EVL: variants seen among roughly 807,000 people sequenced by gnomAD.
EVL encodes Enah/Vasp-like, also known as ena/VASP-like protein.
A neutral mutation model predicts 59.6 loss-of-function variants in EVL; 21 were observed. The ratio of observed to expected loss-of-function variants is 0.35; its 90% CI spans 0.25 to 0.51. The LOEUF (loss-of-function observed/expected upper bound fraction) is 0.51, where lower values mean the gene tolerates loss of function less well. Ranked by LOEUF, EVL falls within the 20% of genes least tolerant of loss-of-function variation. The pLI, the probability that EVL is intolerant of heterozygous loss-of-function variation, is 0.97. For missense variants in EVL, 462 were observed against 546.6 expected (o/e 0.85, Z 1.54); for synonymous variants, 198 against 203.5 (o/e 0.97, Z 0.23).
chr14:100,067,048 A>G (rs2061944480), intron 1 of EVL, among the ~76,000 whole-genome samples: 1 of 152,196 alleles, frequency 6.6e-6, no homozygotes, highest in Non-Finnish European at 1.5e-5. Context: ...GTGGAGCAGA[A>G]TTTGTGTACG....
chr14:99,985,681 C>T (rs775656316), intron 1 of EVL, among the ~76,000 whole-genome samples: 5 of 151,844 alleles, frequency 3.3e-5, no homozygotes, highest in South Asian at 2.1e-4. Flanking sequence ...GCAGAAGAAT[C>T]GCTTGAACCC....
At chr14:100,074,068 A>T (rs2062109299) in intron 1 of EVL, among the ~76,000 whole-genome samples, 2 of 152,124 alleles carry the variant, frequency 1.3e-5, no homozygotes, top group Admixed American at 6.5e-5. Flanking sequence ...CACAGGAGCA[A>T]ATCAGGGCCC....
chr14:100,046,110 A>G (rs1336869028), intron 1 of EVL, among the ~76,000 whole-genome samples: 1 of 152,196 alleles, frequency 6.6e-6, no homozygotes, highest in African/African-American at 2.4e-5. Flanking sequence ...AGATAGCCAA[A>G]TGATAAGAAA....
At chr14:100,011,912 C>G (rs2061019432) in intron 1 of EVL, among the ~76,000 whole-genome samples, 1 of 152,156 alleles carries the variant, frequency 6.6e-6, no homozygotes, top group Non-Finnish European at 1.5e-5. Context: ...ATTGGCACAC[C>G]TGTTATTATA....
intron 3 of EVL, among the ~76,000 whole-genome samples, chr14:100,101,840 A>G (rs1413899547): frequency 6.6e-6 from 1 of 151,852 alleles, no homozygotes; most frequent in African/African-American, 2.4e-5. Flanking sequence ...TTTTATTTGC[A>G]TTTTTCTTTT....
rs561759224 is a variant in EVL, at chr14:99,985,199, C to T, written c.5+13142C>T. 3.4e-4 allele frequency among the ~76,000 whole-genome samples: 52 copies of T among 151,736 alleles called. No homozygotes were observed. The South Asian group carries it at 9.4e-3, about 27-fold the overall frequency. On this transcript the variant is annotated intron_variant, in intron 1 of 13. Transcript: ENST00000402714. ...GGCTAGGGATAGAGAGCTATGGAGA[C>T]CTACATAAGCCTCAAGGAGTTTATA...
intron 1 of EVL, among the ~76,000 whole-genome samples, chr14:100,055,785 G>A (rs1262827695): frequency 2.1e-5 from 3 of 140,498 alleles, no homozygotes; most frequent in African/African-American, 8.9e-5. Context: ...GCACACTTAC[G>A]TTGTTGTCTT....
upstream of EVL, among the ~76,000 whole-genome samples, chr14:100,064,307 A>G (rs1300245867): frequency 1.3e-5 from 2 of 152,228 alleles, no homozygotes; most frequent in Admixed American, 1.3e-4. Flanking sequence ...AAGGACAAGT[A>G]CAGTCGTTCT....
upstream of EVL, among the ~76,000 whole-genome samples, chr14:100,062,330 A>G (rs773085951): frequency 1.6e-4 from 25 of 152,038 alleles, no homozygotes; most frequent in Admixed American, 6.6e-5. Flanking sequence ...AAATTATGCA[A>G]TTATGAAGTT....
At chr14:100,045,243 G>A (rs2061529612) in intron 1 of EVL, among the ~76,000 whole-genome samples, 1 of 152,216 alleles carries the variant, frequency 6.6e-6, no homozygotes, top group East Asian at 1.9e-4. Context: ...TCCTACTCCT[G>A]CCTTAATCCT....
chr14:99,997,808 A>G (rs2140182670), intron 1 of EVL, among the ~76,000 whole-genome samples: 1 of 152,312 alleles, frequency 6.6e-6, no homozygotes, highest in Admixed American at 6.5e-5. Flanking sequence ...CTGAAATTAC[A>G]GATTTATTTT....
chr14:100,126,210 G>C (rs1888059302), intron 4 of EVL, among the ~76,000 whole-genome samples: 1 of 152,210 alleles, frequency 6.6e-6, no homozygotes, highest in South Asian at 2.1e-4. Context: ...TGCACCAAAT[G>C]GCCCTCTAGA....
intron 2 of EVL, among the ~76,000 whole-genome samples, chr14:100,085,547 T>C (rs990912316): frequency 3.9e-5 from 6 of 152,174 alleles, no homozygotes; most frequent in African/African-American, 1.4e-4. Flanking sequence ...CAAGAGCATT[T>C]ATAGCAGTGA....
intron 1 of EVL, among the ~76,000 whole-genome samples, chr14:100,049,847 T>C (rs1194210343): frequency 6.6e-6 from 1 of 152,194 alleles, no homozygotes; most frequent in Non-Finnish European, 1.5e-5. Context: ...ATCTACTTTT[T>C]TCTCTATGGA....
At chr14:100,014,204 C>G (rs1444002615) in intron 1 of EVL, among the ~76,000 whole-genome samples, 1 of 152,182 alleles carries the variant, frequency 6.6e-6, no homozygotes, top group African/African-American at 2.4e-5. Flanking sequence ...TGAACATCCC[C>G]AACCCTTCCC....
intron 2 of EVL, among the ~76,000 whole-genome samples, chr14:100,095,294 A>C (rs962121506): frequency 2.6e-5 from 4 of 152,146 alleles, no homozygotes; most frequent in African/African-American, 9.7e-5. Context: ...GCTACTGTCC[A>C]CTAGAAATGC....
intron 1 of EVL, among the ~76,000 whole-genome samples, chr14:100,059,251 T>C (rs891054819): frequency 2.6e-5 from 4 of 152,250 alleles, no homozygotes; most frequent in Non-Finnish European, 5.9e-5. Flanking sequence ...GATAGGACTT[T>C]GATTCTTGAG....
intron 8 of EVL, 82 bp from the exon 9 acceptor site, chr14:100,135,823 G>C (rs961221787): frequency 2.6e-5 from 31 of 1,206,670 alleles, no homozygotes; most frequent in Non-Finnish European, 3.8e-5. Flanking sequence ...TTGGAAAACT[G>C]AGGTTTTATG....
At chr14:99,981,553 T>C (rs745412691) in intron 1 of EVL, among the ~76,000 whole-genome samples, 2 of 152,230 alleles carry the variant, frequency 1.3e-5, no homozygotes, top group Non-Finnish European at 2.9e-5. Context: ...CTGCCCATGT[T>C]TGAGGAACCT....
Sources: gnomAD v4.1 joint callset for allele counts (sites outside exome capture counted in the v4.1 genomes callset) on GRCh38, gnomAD v4.1.1 for gene constraint, MANE v1.5 for transcripts, NCBI Gene and HGNC (gene_info 2026-07-23, HGNC 2026-07-21) for gene names.